The following PCDH11X variants were observed in gnomAD, a reference collection of about 807,000 sequenced individuals.
PCDH11X encodes protocadherin-11 X-linked.
In PCDH11X, 18 loss-of-function variants were observed where a neutral mutation model predicts 53.3. That is an observed-to-expected ratio of 0.34 (90% CI 0.23 to 0.50). PCDH11X has a LOEUF of 0.50. Among genes scored for constraint, PCDH11X ranks in the 20% least tolerant of loss-of-function variants. PCDH11X has a pLI of 0.98. For synonymous variants in PCDH11X, 279 were observed against 393.3 expected (o/e 0.71, Z 3.44); for missense variants, 570 against 1,032.4 (o/e 0.55, Z 6.14).
At chrX:91,834,806 T>C (rs1310320452) in intron 4 of PCDH11X, 1 of 125,869 alleles carries the variant, frequency 7.9e-6, no homozygotes, top group East Asian at 2.8e-4. Flanking sequence ...TTGTTTTTCT[T>C]ATCCAAAGAA....
At chrX:92,339,701 T>A (rs922796186) in intron 8 of PCDH11X, among the ~76,000 whole-genome samples, 1 of 108,066 alleles carries the variant, frequency 9.3e-6, no homozygotes, top group African/African-American at 3.4e-5. Flanking sequence ...GCTAAATCAT[T>A]TATGAGGGAT....
chrX:92,515,665 TA>T (rs2074257536), intron 10 of PCDH11X, among the ~76,000 whole-genome samples: 1 of 112,090 alleles, frequency 8.9e-6, no homozygotes, highest in Non-Finnish European at 1.9e-5. Flanking sequence ...ATTAAGTTTA[TA>T]ATGTACCCTT....
chrX:92,606,670 A>G (rs1481814742), intron 10 of PCDH11X, among the ~76,000 whole-genome samples: 2 of 111,028 alleles, frequency 1.8e-5, no homozygotes, highest in Non-Finnish European at 3.8e-5. Flanking sequence ...AAAATACATT[A>G]TACCTCATCA....
At chrX:92,530,903 A>AT (rs201861643) in intron 10 of PCDH11X, among the ~76,000 whole-genome samples, 1,286 of 107,014 alleles carry the variant, frequency 0.012, 12 homozygotes, top group South Asian at 0.07. Flanking sequence ...ATAGAATGCA[A>AT]TTTTTTTTAT....
At chrX:91,978,884 G>A (rs1456369525) in intron 6 of PCDH11X, among the ~76,000 whole-genome samples, 1 of 111,442 alleles carries the variant, frequency 9.0e-6, no homozygotes, top group Non-Finnish European at 1.9e-5. Context: ...AATATTTCAG[G>A]GCATAGCCTA....
chrX:91,966,120 G>A lies in PCDH11X; in HGVS notation c.3033+86847G>A, dbSNP rs1269774968. Among the ~76,000 whole-genome samples the A allele has an allele frequency of 3.6e-5, 4 of 110,026 alleles. No individual in the cohort carries two copies. The East Asian group carries it at 1.1e-3, about 31-fold the overall frequency. ...GAGGGATCTGGCATCTCATTATCTG[G>A]ATGCCCTGATCTGGTGAGTTTCAGT... On this transcript the variant is annotated intron_variant, in intron 6 of 10. Transcript: ENST00000682573.
chrX:91,938,143 A>G (rs1427254810), intron 6 of PCDH11X, among the ~76,000 whole-genome samples: 1 of 111,793 alleles, frequency 8.9e-6, no homozygotes, highest in Admixed American at 9.5e-5. Context: ...TGGAAGAATC[A>G]AAGTAGCCTG....
At chrX:92,318,219 T>G (rs1199605607) in intron 8 of PCDH11X, among the ~76,000 whole-genome samples, 2 of 111,732 alleles carry the variant, frequency 1.8e-5, no homozygotes, top group Non-Finnish European at 3.8e-5. Flanking sequence ...ATATTTTTAT[T>G]GCCTACCTAC....
At chrX:91,982,735 G>A (rs942511834) in intron 6 of PCDH11X, 15 of 867,818 alleles carry the variant, frequency 1.7e-5, no homozygotes, top group Non-Finnish European at 2.2e-5. Context: ...GACAGTGTCA[G>A]TTTGATACCT....
At chrX:92,584,416 T>G (rs1392724602) in intron 10 of PCDH11X, among the ~76,000 whole-genome samples, 1 of 111,501 alleles carries the variant, frequency 9.0e-6, no homozygotes, top group Non-Finnish European at 1.9e-5. Context: ...TTATCAGTAA[T>G]AAAAGAGAGT....
At chrX:92,255,895 A>G (rs766809897) in intron 7 of PCDH11X, among the ~76,000 whole-genome samples, 16 of 112,145 alleles carry the variant, frequency 1.4e-4, no homozygotes, top group African/African-American at 3.9e-4. Flanking sequence ...TTGTTTGTCT[A>G]TGCCCTGCCC....
In PCDH11X at chrX:92,619,856, C is replaced by T. The variant is rs1290060209; in HGVS notation, c.*916C>T. The T allele has an allele frequency of 2.8e-5, 3 of 107,158 alleles. No homozygotes were observed. The highest frequency in any genetic ancestry group is 2.0e-4 in the Admixed American group (2 of 9,800). The allele number at this position is 107,158 out of a possible 1,213,427, so 8.8% of individuals were successfully genotyped here. A position where few individuals can be genotyped will look rare whatever the true frequency, so the allele number is the denominator to read the frequency against. On this transcript the variant is annotated 3_prime_UTR_variant, in exon 11 of 11. Transcript: ENST00000682573. ...AAAGGAGGTGGATGCATCCAAAGCA[C>T]GAGTCACTTAAAATATCGACGGTAA...
chrX:92,399,368 G>A (rs6615377), intron 9 of PCDH11X, among the ~76,000 whole-genome samples: 17,108 of 109,073 alleles, frequency 0.16, 1,942 homozygotes, highest in East Asian at 0.75. Flanking sequence ...GTTGGTGTGG[G>A]GGCTACACTT....
chrX:92,279,572 T>C (rs2068200564), intron 8 of PCDH11X, among the ~76,000 whole-genome samples: 1 of 112,699 alleles, frequency 8.9e-6, no homozygotes. Context: ...ATCATTGTTA[T>C]TGACAAGTTA....
In PCDH11X at chrX:92,509,718, G is replaced by C. The variant is rs185559223; in HGVS notation, c.3367+41396G>C. On this transcript the variant is annotated intron_variant, in intron 10 of 10. Transcript: ENST00000682573. ...GTTAGGTGATCTGGTTTGTAGTCTA[G>C]ATTCTGATTTACAGGTGATGCTTCA... is the stretch of plus-strand genomic sequence containing the variant. Among the ~76,000 whole-genome samples, 7 of 111,710 alleles carry C rather than the reference G, an allele frequency of 6.3e-5. No homozygotes were observed. In the East Asian group the frequency reaches 2.0e-3, roughly 32 times the overall value.
At chrX:92,482,392 A>C (rs1454132749) in intron 10 of PCDH11X, among the ~76,000 whole-genome samples, 3 of 109,260 alleles carry the variant, frequency 2.7e-5, no homozygotes, top group African/African-American at 1.0e-4. Flanking sequence ...TGTTTTCATT[A>C]ACCTGTGAAA....
chrX:92,507,741 G>T (rs144953469), intron 10 of PCDH11X, among the ~76,000 whole-genome samples: 1,926 of 111,287 alleles, frequency 0.017, 46 homozygotes, highest in African/African-American at 0.06. Context: ...GCTCCTAAGA[G>T]AATGTGAATT....
intron 8 of PCDH11X, among the ~76,000 whole-genome samples, chrX:92,322,974 A>G (rs2069248432): frequency 8.9e-6 from 1 of 111,980 alleles, no homozygotes. Flanking sequence ...GGAAAGACCA[A>G]TAACTTGAAA....
intron 8 of PCDH11X, among the ~76,000 whole-genome samples, chrX:92,279,593 A>C (rs1436436100): frequency 8.9e-6 from 1 of 112,655 alleles, no homozygotes; most frequent in Non-Finnish European, 1.9e-5. Context: ...TTATCTTTGT[A>C]ATACTTATAT....
Sources: gnomAD v4.1 joint callset for allele counts (sites outside exome capture counted in the v4.1 genomes callset) on GRCh38, gnomAD v4.1.1 for gene constraint, MANE v1.5 for transcripts, NCBI Gene and HGNC (gene_info 2026-07-23, HGNC 2026-07-21) for gene names.